The following FGF12 variants were observed in gnomAD, a reference collection of about 807,000 sequenced individuals.
The protein encoded by FGF12 is fibroblast growth factor 12.
Under a neutral mutation model 23.6 loss-of-function variants are expected in FGF12, and 14 were observed. The observed-to-expected ratio is 0.59, with a 90% CI of 0.39 to 0.93. The LOEUF (loss-of-function observed/expected upper bound fraction) is 0.93, where lower values mean the gene tolerates loss of function less well. FGF12 is among the 40% of genes least tolerant of loss of function. The pLI, the probability that FGF12 is intolerant of heterozygous loss-of-function variation, is 0.00. For synonymous variants in FGF12, 62 were observed against 77.3 expected (o/e 0.80, Z 1.04); for missense variants, 175 against 217.8 (o/e 0.80, Z 1.24).
chr3:192,606,587 G>A (rs568822401), intron 2 of FGF12, among the ~76,000 whole-genome samples: 76 of 152,012 alleles, frequency 5.0e-4, no homozygotes, highest in Non-Finnish European at 8.4e-4. Context: ...CTGTTCACTA[G>A]GCACTATCTA....
chr3:192,155,108 C>G (rs558307425), intron 5 of FGF12, among the ~76,000 whole-genome samples: 2 of 148,692 alleles, frequency 1.3e-5, no homozygotes, highest in Non-Finnish European at 3.0e-5. Context: ...TTCTTTGACT[C>G]GGAAAGGGAA....
intron 2 of FGF12, among the ~76,000 whole-genome samples, chr3:192,701,275 T>C (rs7634764): frequency 0.59 from 89,065 of 151,952 alleles, 26,835 homozygotes; most frequent in East Asian, 0.84. Flanking sequence ...TCTTTCCAGA[T>C]GGAACCAACA....
chr3:192,318,385 T>C (rs997839831), intron 4 of FGF12, among the ~76,000 whole-genome samples: 1 of 152,040 alleles, frequency 6.6e-6, no homozygotes, highest in Non-Finnish European at 1.5e-5. Context: ...GAGACTGAAA[T>C]AATTTAGAAG....
intron 2 of FGF12, among the ~76,000 whole-genome samples, chr3:192,571,711 C>T (rs1442286116): frequency 1.3e-5 from 2 of 152,350 alleles, no homozygotes; most frequent in South Asian, 2.1e-4. Flanking sequence ...CCTGCACTTG[C>T]TCCTCAAACG....
intron 2 of FGF12, among the ~76,000 whole-genome samples, chr3:192,494,054 C>T (rs1248204852): frequency 6.6e-6 from 1 of 152,160 alleles, no homozygotes; most frequent in Non-Finnish European, 1.5e-5. Context: ...AATCAAATGG[C>T]AAGTTTCATG....
chr3:192,205,425 G>A (rs759556865), intron 4 of FGF12, among the ~76,000 whole-genome samples: 4 of 152,162 alleles, frequency 2.6e-5, no homozygotes, highest in Non-Finnish European at 5.9e-5. Context: ...TTTGAGAGAC[G>A]CAGCGTTCCT....
At chr3:192,710,549 G>A (rs543617351) in intron 2 of FGF12, among the ~76,000 whole-genome samples, 1 of 152,328 alleles carries the variant, frequency 6.6e-6, no homozygotes, top group South Asian at 2.1e-4. Context: ...AAGCCAACAG[G>A]CAACTAACTT....
At chr3:192,608,685 C>G (rs1714437793) in intron 2 of FGF12, among the ~76,000 whole-genome samples, 1 of 152,122 alleles carries the variant, frequency 6.6e-6, no homozygotes, top group Admixed American at 6.6e-5. Flanking sequence ...GCTTTTACAT[C>G]TAGAAGCAGA....
At chr3:192,686,010 C>A (rs778039104) in intron 2 of FGF12, among the ~76,000 whole-genome samples, 13 of 152,000 alleles carry the variant, frequency 8.6e-5, no homozygotes, top group African/African-American at 2.4e-5. Context: ...CAAAGCGTGG[C>A]GCAATCAGGG....
intron 4 of FGF12, among the ~76,000 whole-genome samples, chr3:192,317,944 G>A (rs1484638996): frequency 1.3e-5 from 2 of 152,128 alleles, no homozygotes; most frequent in Non-Finnish European, 2.9e-5. Flanking sequence ...GGGTGTCTGC[G>A]TGGTGATCCA....
At chr3:192,573,919 G>A (rs1712763711) in intron 2 of FGF12, among the ~76,000 whole-genome samples, 1 of 152,164 alleles carries the variant, frequency 6.6e-6, no homozygotes, top group African/African-American at 2.4e-5. Flanking sequence ...AGGAACAAAA[G>A]TTCAATAATA....
intron 5 of FGF12, among the ~76,000 whole-genome samples, chr3:192,157,964 A>G (rs1326816606): frequency 1.3e-5 from 2 of 152,228 alleles, no homozygotes; most frequent in African/African-American, 2.4e-5. Context: ...TGAAGAACAA[A>G]GAGGGTAACC....
At chr3:192,158,430 T>TTC (rs1714634751) in intron 5 of FGF12, among the ~76,000 whole-genome samples, 1 of 143,932 alleles carries the variant, frequency 6.9e-6, no homozygotes, top group Non-Finnish European at 1.5e-5. Context: ...TCTTTTTCTT[T>TTC]TTTCTTTCTT....
At chr3:192,303,535 T>C (rs1295420396) in intron 4 of FGF12, among the ~76,000 whole-genome samples, 1 of 152,228 alleles carries the variant, frequency 6.6e-6, no homozygotes, top group Non-Finnish European at 1.5e-5. Flanking sequence ...GTGCACAAGA[T>C]AATTACTAAG....
chr3:192,342,076 C>A (rs1444967357), intron 3 of FGF12, among the ~76,000 whole-genome samples: 4 of 152,136 alleles, frequency 2.6e-5, no homozygotes, highest in African/African-American at 9.7e-5. Flanking sequence ...GTGAATCTTT[C>A]CGAGGTTTCC....
chr3:192,396,072 C>T (rs565387253), intron 2 of FGF12, among the ~76,000 whole-genome samples: 8 of 152,226 alleles, frequency 5.3e-5, no homozygotes, highest in East Asian at 3.9e-4. Context: ...CTCTTAACCA[C>T]GTATTGAGCC....
intron 2 of FGF12, among the ~76,000 whole-genome samples, chr3:192,464,099 G>A (rs1407674583): frequency 6.6e-6 from 1 of 152,134 alleles, no homozygotes; most frequent in East Asian, 1.9e-4. Flanking sequence ...CACTGCTCAG[G>A]GTGGGGCCCA....
intron 2 of FGF12, among the ~76,000 whole-genome samples, chr3:192,683,014 C>T (rs1717591438): frequency 2.0e-5 from 3 of 152,208 alleles, no homozygotes; most frequent in Non-Finnish European, 4.4e-5. Flanking sequence ...TCTTAGAAAC[C>T]TCACTCTATG....
chr3:192,660,876 C>T lies in FGF12; in HGVS notation c.13+66305G>A, dbSNP rs1716639928. Among the ~76,000 whole-genome samples, 4 of 123,460 alleles carry T rather than the reference C, an allele frequency of 3.2e-5. No individual in the cohort carries two copies. In the Admixed American group the frequency reaches 3.3e-4, roughly 10 times the overall value. 81.0% of individuals were successfully genotyped at this position (123,460 alleles called of 152,430 possible). ...GGATTCATGCTCAAGGAAAAGTAAA[C>T]ATTTGGGGGTGGGGGTGGGGCAAAA... On this transcript the variant is annotated intron_variant, in intron 2 of 5. Transcript: ENST00000445105.
Sources: allele counts gnomAD v4.1 joint callset (sites outside exome capture counted in the v4.1 genomes callset), GRCh38; gene constraint gnomAD v4.1.1; transcripts MANE v1.5; gene names NCBI Gene and HGNC (gene_info 2026-07-23, HGNC 2026-07-21).